The following ZNF723 variants were observed in gnomAD, a reference collection of about 807,000 sequenced individuals.
ZNF723 encodes zinc finger protein 723, pseudogene.
In ZNF723, 5 loss-of-function variants were observed where a neutral mutation model predicts 9.4. The ratio of observed to expected loss-of-function variants is 0.53; its 90% confidence interval spans 0.28 to 1.12. The LOEUF (loss-of-function observed/expected upper bound fraction) is 1.12, where lower values mean the gene tolerates loss of function less well. Ranked by LOEUF, ZNF723 falls within the 50% of genes most tolerant of loss-of-function variation. The pLI is 0.10. For synonymous variants in ZNF723, 158 were observed against 168.8 expected, an observed-to-expected ratio of 0.94 and a Z score of 0.49; for missense variants, 450 against 501.5, an observed-to-expected ratio of 0.90 and a Z score of 0.98.
At chr19:22,841,799 C>T (rs1967248589) in intron 1 of ZNF723, among the ~76,000 whole-genome samples, 1 of 152,166 alleles carries the variant, frequency 6.6e-6, no homozygotes, top group Non-Finnish European at 1.5e-5. Context: ...TCCCCTTCCT[C>T]CTATTGCTAA....
the ZNF723 span, among the ~76,000 whole-genome samples, chr19:22,821,594 C>T: frequency 3.0e-3 from 458 of 152,218 alleles, 3 homozygotes; most frequent in African/African-American, 9.7e-3. Context: ...TGGACATTGA[C>T]GTATTTTTGG....
At chr19:22,817,325 C>T in the ZNF723 span, among the ~76,000 whole-genome samples, 1 of 152,176 alleles carries the variant, frequency 6.6e-6, no homozygotes, top group South Asian at 2.1e-4. Flanking sequence ...TGTGACATAT[C>T]ACTGCACCAA....
At chr19:22,832,444 T>C (rs773758167) in intron 1 of ZNF723, 62 bp downstream of exon 1, 376 of 1,343,910 alleles carry the variant, frequency 2.8e-4, no homozygotes, top group Non-Finnish European at 3.8e-4. Flanking sequence ...CGGTGGGAAG[T>C]GGCTGTGGCG....
intron 1 of ZNF723, among the ~76,000 whole-genome samples, chr19:22,837,242 A>C (rs1405925617): frequency 6.6e-6 from 1 of 150,626 alleles, no homozygotes; most frequent in African/African-American, 2.4e-5. Flanking sequence ...GTGCCACTGC[A>C]CTCCAGCCTG....
chr19:22,823,326 T>C, the ZNF723 span, among the ~76,000 whole-genome samples: 1 of 152,308 alleles, frequency 6.6e-6, no homozygotes, highest in East Asian at 1.9e-4. Context: ...CAGTCCACTG[T>C]TGAGGTTCTG....
the ZNF723 span, among the ~76,000 whole-genome samples, chr19:22,818,438 GAC>G: frequency 2.0e-5 from 3 of 152,118 alleles, no homozygotes; most frequent in African/African-American, 7.2e-5. Flanking sequence ...TGATGACTAA[GAC>G]CAAGATAGAC....
intron 1 of ZNF723, among the ~76,000 whole-genome samples, chr19:22,837,493 A>G (rs2145208834): frequency 6.6e-6 from 1 of 152,162 alleles, no homozygotes; most frequent in Admixed American, 6.6e-5. Context: ...GTTAACAAAC[A>G]ATTTGGTGCC....
In ZNF723 at chr19:22,857,829, A is replaced by G. The variant is rs1599482680; in HGVS notation, c.938A>G (p.Tyr313Cys). Residue 313 changes from tyrosine (Y) to cysteine (C), a missense_variant, in exon 4 of 4, where the codon TAC becomes TGC. Tyr to Cys is a radical substitution (Grantham distance 194). Coordinates refer to ENST00000600766, the MANE Select transcript of ZNF723 (RefSeq NM_001349726.2). The stretch of plus-strand genomic sequence containing the variant: ...AGAATTCATACTGGAGAGAAACCCT[A>G]CAAATGTGAAGAATGTGGCAAAGCC... ...HKRIHTGEKP[Y>C]KCEECGKAFN... 5 of 1,396,904 alleles carry G rather than the reference A, an allele frequency of 3.6e-6. No homozygotes were observed. The East Asian group carries it at 9.1e-5, about 26-fold the overall frequency. 86.5% of individuals were successfully genotyped at this position (1,396,904 alleles called of 1,614,324 possible).
chr19:22,817,761 G>C, the ZNF723 span, among the ~76,000 whole-genome samples: 6 of 152,244 alleles, frequency 3.9e-5, no homozygotes, highest in Non-Finnish European at 8.8e-5. Flanking sequence ...TCACAGAAAG[G>C]CTTAAGGGAA....
chr19:22,816,974 G>T, the ZNF723 span, among the ~76,000 whole-genome samples: 1 of 152,242 alleles, frequency 6.6e-6, no homozygotes, highest in African/African-American at 2.4e-5. Flanking sequence ...GCACCTAGGT[G>T]ATGCGGCTAT....
At chr19:22,837,369 C>A (rs1405171739) in intron 1 of ZNF723, among the ~76,000 whole-genome samples, 1 of 151,818 alleles carries the variant, frequency 6.6e-6, no homozygotes, top group Non-Finnish European at 1.5e-5. Flanking sequence ...TGACTGGCAT[C>A]TGCAATAAGG....
the ZNF723 span, among the ~76,000 whole-genome samples, chr19:22,820,472 A>G: frequency 6.6e-6 from 1 of 152,022 alleles, no homozygotes. Context: ...ATATTATAAT[A>G]TATTCCTGAC....
intron 1 of ZNF723, among the ~76,000 whole-genome samples, chr19:22,838,248 TCTTA>T (rs1029045812): frequency 7.9e-5 from 12 of 152,184 alleles, no homozygotes; most frequent in South Asian, 6.2e-4. Context: ...ATTATTTAGC[TCTTA>T]CTTAGAAATG....
intron 1 of ZNF723, among the ~76,000 whole-genome samples, chr19:22,838,100 T>G (rs1434646534): frequency 1.3e-5 from 2 of 152,186 alleles, no homozygotes; most frequent in African/African-American, 4.8e-5. Context: ...GGAAGTTTGA[T>G]GTAAATTATT....
At chr19:22,814,015 TTG>T in the ZNF723 span, among the ~76,000 whole-genome samples, 1 of 151,984 alleles carries the variant, frequency 6.6e-6, no homozygotes, top group Non-Finnish European at 1.5e-5. Flanking sequence ...TTTCACTATG[TTG>T]GCCAGTCTGG....
intron 1 of ZNF723, among the ~76,000 whole-genome samples, chr19:22,834,481 T>C (rs1407410456): frequency 6.6e-6 from 1 of 152,070 alleles, no homozygotes; most frequent in African/African-American, 2.4e-5. Flanking sequence ...AGTCACCATT[T>C]AGTGTTTTTC....
chr19:22,841,811 A>C (rs187041837), intron 1 of ZNF723, among the ~76,000 whole-genome samples: 1 of 152,294 alleles, frequency 6.6e-6, no homozygotes, highest in Non-Finnish European at 1.5e-5. Context: ...TATTGCTAAA[A>C]TACCCACAAA....
chr19:22,815,044 T>C, the ZNF723 span, among the ~76,000 whole-genome samples: 12 of 152,114 alleles, frequency 7.9e-5, no homozygotes, highest in South Asian at 2.1e-4. Context: ...AGAGGTATTA[T>C]AATATATCTG....
chr19:22,819,559 T>A, the ZNF723 span, among the ~76,000 whole-genome samples: 1 of 152,242 alleles, frequency 6.6e-6, no homozygotes, highest in Non-Finnish European at 1.5e-5. Flanking sequence ...ATGTGACTGC[T>A]CTCATAACTG....
Sources: allele counts gnomAD v4.1 joint callset (sites outside exome capture counted in the v4.1 genomes callset), GRCh38; gene constraint gnomAD v4.1.1; transcripts MANE v1.5; gene names NCBI Gene and HGNC (gene_info 2026-07-23, HGNC 2026-07-21).